The following DDX27 variants were observed in gnomAD, a reference collection of about 807,000 sequenced individuals.
DDX27 encodes the protein probable ATP-dependent RNA helicase DDX27.
In DDX27, 42 loss-of-function variants were observed where a neutral mutation model predicts 99.3. The ratio of observed to expected loss-of-function variants is 0.42; its 90% CI spans 0.33 to 0.55. The LOEUF is 0.55. DDX27 is among the 20% of genes least tolerant of loss of function. DDX27 has a pLI of 0.07. For synonymous variants in DDX27, 329 were observed against 353.8 expected, an observed-to-expected ratio of 0.93 and a Z score of 0.79; for missense variants, 798 against 976.8, an observed-to-expected ratio of 0.82 and a Z score of 2.44.
At chr20:49,231,719 C>T (rs894187965) in intron 9 of DDX27, among the ~76,000 whole-genome samples, 1 of 152,170 alleles carries the variant, frequency 6.6e-6, no homozygotes, top group Admixed American at 6.5e-5. Context: ...AACCTCACAT[C>T]CACAGTTCTG....
chr20:49,243,698 A>G lies in DDX27; in HGVS notation c.2274A>G (p.Lys758=), dbSNP rs768858535. 4 of 1,614,186 alleles carry G rather than the reference A, an allele frequency of 2.5e-6. No homozygotes were observed. The highest frequency in any genetic ancestry group is 3.4e-6 in the Non-Finnish European group (4 of 1,180,020). Residue 758 remains lysine (K), a synonymous_variant, in exon 20 of 21, where the codon AAA becomes AAG. Transcript: ENST00000618172. Reference sequence around the variant, plus strand: ...GACGAGGAGGAAACTTTAAATCTAAATCCAGGTGATACTGGCTGTTTTGGA... The same window carrying G: ...GACGAGGAGGAAACTTTAAATCTAAGTCCAGGTGATACTGGCTGTTTTGGA... ...HQRRGGNFKS[K]SRYKRRK
chr20:49,224,839 C>T (rs1979818972), intron 4 of DDX27, 106 bp from the exon 5 acceptor site: 2 of 1,233,582 alleles, frequency 1.6e-6, no homozygotes, highest in Non-Finnish European at 2.3e-6. Flanking sequence ...ACGATGGTCA[C>T]CCCTCAGAGG....
At chr20:49,225,294 T>A in intron 6 of DDX27, 95 bp downstream of exon 6, 1 of 1,027,778 alleles carries the variant, frequency 9.7e-7, no homozygotes, top group Non-Finnish European at 1.5e-6. Context: ...GCAATCCTCT[T>A]GCCTCAACCT....
At chr20:49,234,730 G>A (rs982962394) in intron 11 of DDX27, 2 of 491,164 alleles carry the variant, frequency 4.1e-6, no homozygotes, top group Non-Finnish European at 7.0e-6. Context: ...CTTCCCCCTC[G>A]TCCCTGCACT....
chr20:49,242,153 G>A lies in DDX27; in HGVS notation c.2063G>A (p.Arg688His), dbSNP rs376649729. 10 of 1,614,186 alleles carry A rather than the reference G, an allele frequency of 6.2e-6. 1 individual carries two copies. Among genetic ancestry groups the A allele is most frequent in the Admixed American group, 3.3e-5 (2 of 60,020 alleles). The change falls in exon 18 of 21, where the codon CGC becomes CAC. Residue 688 changes from arginine (R) to histidine (H), a missense_variant. Arg to His is a conservative substitution (Grantham distance 29). Coordinates refer to ENST00000618172, the MANE Select transcript of DDX27 (RefSeq NM_017895.8). Reference protein sequence around the residue: ...MFAERLAKRNRRAKRARAMPE... With the variant: ...MFAERLAKRNHRAKRARAMPE... Reference sequence around the variant, plus strand: ...GCTGAACGGCTAGCGAAGAGGAATCGCAGAGCCAAGCGGGCCCGAGCAATG... The same window carrying A: ...GCTGAACGGCTAGCGAAGAGGAATCACAGAGCCAAGCGGGCCCGAGCAATG...
At chr20:49,225,747 G>A (rs1160387061) in intron 6 of DDX27, among the ~76,000 whole-genome samples, 4 of 152,078 alleles carry the variant, frequency 2.6e-5, no homozygotes, top group African/African-American at 9.7e-5. Flanking sequence ...GAGCCACCGC[G>A]CCCGGCCGAG....
chr20:49,243,911 C>A lies in DDX27; in HGVS notation c.*77C>A. On this transcript the variant is annotated 3_prime_UTR_variant, in exon 21 of 21. Coordinates refer to ENST00000618172, the MANE Select transcript of DDX27 (RefSeq NM_017895.8). ...TGGGAAGTCATCCTGGCTGGTCTGTCTTTTCTCCATTTGTTTAAAAAAAAA... is the reference window on the plus strand; with the variant it reads ...TGGGAAGTCATCCTGGCTGGTCTGTATTTTCTCCATTTGTTTAAAAAAAAA... The A allele has an allele frequency of 6.5e-7, 1 of 1,529,980 alleles. No homozygotes were observed. Among genetic ancestry groups the A allele is most frequent in the Non-Finnish European group, 8.9e-7 (1 of 1,118,318 alleles). The allele number at this position is 1,529,980 out of a possible 1,614,324, so 94.8% of individuals were successfully genotyped here.
At chr20:49,221,929 A>AC (rs952971251) in intron 2 of DDX27, among the ~76,000 whole-genome samples, 3 of 150,526 alleles carry the variant, frequency 2.0e-5, no homozygotes, top group African/African-American at 7.3e-5. Context: ...CCTGGTTCCC[A>AC]CACAGCACAG....
intron 11 of DDX27, chr20:49,234,074 A>G (rs755207313): frequency 2.2e-5 from 5 of 224,028 alleles, no homozygotes; most frequent in Admixed American, 5.0e-5. Context: ...AGCATTTACA[A>G]TGATTGCTTG....
At chr20:49,242,418 A>G (rs1042165714) in intron 18 of DDX27, among the ~76,000 whole-genome samples, 176 bp from the exon 19 acceptor site, 4 of 151,938 alleles carry the variant, frequency 2.6e-5, no homozygotes, top group African/African-American at 4.8e-5. Context: ...AGCTTTTCTG[A>G]CTCCGGAGCC....
chr20:49,225,698 G>A (rs372420327), intron 6 of DDX27, among the ~76,000 whole-genome samples: 8 of 151,616 alleles, frequency 5.3e-5, no homozygotes, highest in Admixed American at 3.3e-4. Flanking sequence ...CTCGTGATCC[G>A]CCCGCCTCAG....
intron 8 of DDX27, among the ~76,000 whole-genome samples, chr20:49,229,392 A>G (rs891336212): frequency 1.2e-4 from 19 of 152,132 alleles, no homozygotes; most frequent in Non-Finnish European, 2.1e-4. Context: ...ACCTTCACAA[A>G]TGAAACCTGA....
In DDX27 at chr20:49,236,065, G is replaced by A. The variant is rs1980295853; in HGVS notation, c.1428-85G>A. On this transcript the variant is annotated intron_variant, in intron 12 of 20. Transcript: ENST00000618172. The surrounding 1 kb of genome is among the most constrained non-coding windows in gnomAD (Gnocchi z 4.1). ...GCCTCTATCCCCATTTTAATGCCCT[G>A]TTCTGTCCTCTGCTGGCTCAGGCTC... 1 of 1,359,116 alleles carries A rather than the reference G, an allele frequency of 7.4e-7. No homozygotes were observed. The highest frequency in any genetic ancestry group is 1.0e-6 in the Non-Finnish European group (1 of 978,592). 84.2% of individuals were successfully genotyped at this position (1,359,116 alleles called of 1,614,324 possible).
intron 11 of DDX27, chr20:49,234,345 C>T (rs1980233338): frequency 1.3e-5 from 2 of 152,248 alleles, no homozygotes; most frequent in African/African-American, 4.8e-5. Context: ...CTCAATGCAG[C>T]CTTTGCCTCC....
At chr20:49,242,831 C>T (rs144873478) in intron 19 of DDX27, 150 bp downstream of exon 19, 6 of 741,652 alleles carry the variant, frequency 8.1e-6, no homozygotes, top group Middle Eastern at 3.1e-4. Context: ...AAGCAATTCT[C>T]CTGCCTCAGT....
intron 9 of DDX27, among the ~76,000 whole-genome samples, chr20:49,232,186 C>T (rs1980136413): frequency 6.6e-6 from 1 of 152,078 alleles, no homozygotes; most frequent in Admixed American, 6.5e-5. Context: ...CTTGCCCGGC[C>T]CCAGCTCATT....
At chr20:49,228,938 G>A (rs1980000011) in intron 8 of DDX27, 50 bp downstream of exon 8, 3 of 1,497,358 alleles carry the variant, frequency 2.0e-6, no homozygotes, top group African/African-American at 2.8e-5. Context: ...GTGGTGGGGT[G>A]GAGGATGGAT....
Position 49,236,139 on chromosome 20 carries a change from A to T in DDX27, c.1428-11A>T. 6.2e-7 allele frequency: 1 copy of T among 1,604,874 alleles called. No individual in the cohort carries two copies. The highest frequency in any genetic ancestry group is 8.5e-7 in the Non-Finnish European group (1 of 1,175,786). On this transcript the variant is annotated splice_polypyrimidine_tract_variant and intron_variant, in intron 12 of 20. Coordinates refer to ENST00000618172, the MANE Select transcript of DDX27 (RefSeq NM_017895.8). This position sits in a 1 kb window ranked among gnomAD's most constrained non-coding sequence, Gnocchi z 4.1. ...GTGTCTGGATGAACAGCTGTTTGTG[A>T]CTGTTTCTAGGCGTTTTAAGGATGA...
intron 11 of DDX27, chr20:49,233,970 C>T (rs1272397728): frequency 2.3e-6 from 1 of 431,826 alleles, no homozygotes; most frequent in Non-Finnish European, 4.3e-6. Flanking sequence ...ACCCGTCAGT[C>T]CAGACCACTG....
Sources: allele counts gnomAD v4.1 joint callset (sites outside exome capture counted in the v4.1 genomes callset), GRCh38; gene constraint gnomAD v4.1.1; non-coding constraint Gnocchi (gnomAD v3.1); transcripts MANE v1.5; gene names NCBI Gene and HGNC (gene_info 2026-07-23, HGNC 2026-07-21).